NSD1: variants seen among roughly 807,000 people sequenced by gnomAD.
NSD1 encodes nuclear receptor binding SET domain protein 1.
Under a neutral mutation model 242.7 loss-of-function variants are expected in NSD1, and 26 were observed. The ratio of observed to expected loss-of-function variants is 0.11; its 90% CI spans 0.08 to 0.15. The LOEUF is 0.15. Ranked by LOEUF, NSD1 falls within the 10% of genes least tolerant of loss-of-function variation. The pLI is 1.00. For synonymous variants in NSD1, 1,106 were observed against 1,178.1 expected (o/e 0.94, Z 1.25); for missense variants, 2,495 against 3,272.8 (o/e 0.76, Z 5.80).
At chr5:177,158,293 C>T (rs940175912) in intron 2 of NSD1, among the ~76,000 whole-genome samples, 1 of 77,674 alleles carries the variant, frequency 1.3e-5, no homozygotes, top group Admixed American at 1.5e-4. Context: ...TTCTTTCTTT[C>T]TTTCTTTCTT....
chr5:177,210,365 T>G lies in NSD1; in HGVS notation c.1966T>G (p.Ser656Ala). ...SSDLDPIEHS[S>A]ESDNSVLEIP... Reference sequence around the variant, plus strand: ...TGACCTGGATCCCATAGAACACAGCTCAGAGTCTGATAACAGTGTCCTTGA... The same window carrying G: ...TGACCTGGATCCCATAGAACACAGCGCAGAGTCTGATAACAGTGTCCTTGA... Residue 656 changes from serine to alanine, a missense_variant, in exon 5 of 23, where the codon TCA becomes GCA. This residue lies in a region of NSD1 where 515 missense variants were observed against 467.0 expected (regional missense o/e 1.10). Coordinates refer to ENST00000439151, the MANE Select transcript of NSD1 (RefSeq NM_022455.5). 2 of 1,614,140 alleles carry G rather than the reference T, an allele frequency of 1.2e-6. No homozygotes were observed. Among genetic ancestry groups the G allele is most frequent in the Non-Finnish European group, 1.7e-6 (2 of 1,180,032 alleles).
At chr5:177,133,009 G>A (rs1165991712), upstream of NSD1, 1 of 153,154 alleles carries the variant, frequency 6.5e-6, no homozygotes, top group Non-Finnish European at 1.5e-5. This position sits in a 1 kb window ranked among gnomAD's most constrained non-coding sequence, Gnocchi z 6.2. Context: ...CCGAGCTGCT[G>A]CCTCCATTTT....
rs1259210123 is a variant in NSD1 at position 177,269,790 on chromosome 5, A to G, written c.5492A>G (p.Asp1831Gly). 1 of 1,612,312 alleles carries G rather than the reference A, an allele frequency of 6.2e-7. No individual in the cohort carries two copies. Among genetic ancestry groups the G allele is most frequent in the Non-Finnish European group, 8.5e-7 (1 of 1,178,940 alleles). ...AAGGATAAGATGGGCAAAGGAGTGG[A>G]TGGGACATATAAAAAAGGTAACTTT... Reference protein sequence around the residue: ...SSKDKMGKGVDGTYKKALQEA... With the variant: ...SSKDKMGKGVGGTYKKALQEA... The change falls in exon 16 of 23, where the codon GAT (aspartate) becomes GGT (glycine). Residue 1831 changes from aspartate (D) to glycine (G), a missense_variant. This residue lies in a region of NSD1 where 114 missense variants were observed against 247.4 expected (regional missense o/e 0.46). Transcript: ENST00000439151. The surrounding 1 kb of genome is among the most constrained non-coding windows in gnomAD (Gnocchi z 5.1).
chr5:177,265,740 T>C, intron 14 of NSD1: 1 of 1,565,664 alleles, frequency 6.4e-7, no homozygotes, highest in African/African-American at 1.4e-5. Flanking sequence ...TAGAACACCG[T>C]CTGCTTCCAG....
At chr5:177,293,376 A>G (rs532846551) in intron 22 of NSD1, among the ~76,000 whole-genome samples, 1 of 152,298 alleles carries the variant, frequency 6.6e-6, no homozygotes, top group South Asian at 2.1e-4. Context: ...TATCTTTTCT[A>G]TTACTGTTAA....
chr5:177,219,278 C>T (rs776213889), intron 5 of NSD1, among the ~76,000 whole-genome samples: 5 of 151,868 alleles, frequency 3.3e-5, no homozygotes, highest in African/African-American at 1.2e-4. Flanking sequence ...CTCCACCTCC[C>T]GGGTTCAAGC....
chr5:177,143,650 G>A (rs1756998952), intron 2 of NSD1, among the ~76,000 whole-genome samples: 2 of 152,024 alleles, frequency 1.3e-5, no homozygotes, highest in South Asian at 4.2e-4. Flanking sequence ...GTTTTAGGTT[G>A]GACATCTCTG....
chr5:177,187,065 G>A (rs948676963), intron 2 of NSD1, among the ~76,000 whole-genome samples: 5 of 149,868 alleles, frequency 3.3e-5, no homozygotes, highest in African/African-American at 7.4e-5. Flanking sequence ...ATTCAGATAT[G>A]GATTTAAATT....
intron 2 of NSD1, among the ~76,000 whole-genome samples, chr5:177,162,551 A>G (rs904585721): frequency 6.6e-6 from 1 of 152,048 alleles, no homozygotes; most frequent in African/African-American, 2.4e-5. Context: ...ATGTGTCACC[A>G]TGCTTTTGTA....
chr5:177,227,302 A>G (rs941121261), intron 5 of NSD1, among the ~76,000 whole-genome samples: 1 of 152,230 alleles, frequency 6.6e-6, no homozygotes, highest in African/African-American at 2.4e-5. Flanking sequence ...TATGAAAATA[A>G]TAATGCCTTA....
At chr5:177,289,034 A>G in intron 21 of NSD1, 109 bp downstream of exon 21, 1 of 841,454 alleles carries the variant, frequency 1.2e-6, no homozygotes, top group South Asian at 1.4e-5. Context: ...AATTAATGAC[A>G]TTCAGCCAGG....
chr5:177,156,004 C>T (rs529271403), intron 2 of NSD1, among the ~76,000 whole-genome samples: 238 of 151,720 alleles, frequency 1.6e-3, no homozygotes, highest in African/African-American at 5.6e-3. Context: ...TGCGTCTGGC[C>T]TGCATGGGGA....
At chr5:177,258,341 T>C (rs1466931995) in intron 13 of NSD1, among the ~76,000 whole-genome samples, 1 of 151,810 alleles carries the variant, frequency 6.6e-6, no homozygotes, top group Non-Finnish European at 1.5e-5. Context: ...CAAGGCAGGA[T>C]TGGGGGTTTC....
rs190529377 is a variant in NSD1 at position 177,170,173 on chromosome 5, C to T, written c.928-21711C>T. ...ATTTTTAGTAGAGATGGGGTTTCAC[C>T]GTGTTAGCCAGGATGGTCTTGATCT... On this transcript the variant is annotated intron_variant, in intron 2 of 22. Transcript: ENST00000439151. Among the ~76,000 whole-genome samples, 869 of 151,114 alleles carry T rather than the reference C, an allele frequency of 5.8e-3. 11 individuals carry two copies. Among genetic ancestry groups the T allele is most frequent in the African/African-American group, 0.02 (823 of 41,242 alleles).
chr5:177,219,629 T>C (rs781258311), intron 5 of NSD1, among the ~76,000 whole-genome samples: 5 of 152,216 alleles, frequency 3.3e-5, no homozygotes, highest in Non-Finnish European at 5.9e-5. Flanking sequence ...TGATTGTGAC[T>C]GGAACAGATA....
chr5:177,213,978 GT>G (rs57480249), intron 5 of NSD1, among the ~76,000 whole-genome samples: 6 of 147,382 alleles, frequency 4.1e-5, no homozygotes, highest in African/African-American at 7.5e-5. Context: ...ACCTTTTTTG[GT>G]TTTTTTTTTG....
At chr5:177,268,316 G>A (rs930159324) in intron 15 of NSD1, among the ~76,000 whole-genome samples, 2 of 127,402 alleles carry the variant, frequency 1.6e-5, no homozygotes, top group African/African-American at 3.0e-5. Flanking sequence ...ATCACACACC[G>A]GGAACTGTTG....
At chr5:177,188,861 A>C (rs938969849) in intron 2 of NSD1, among the ~76,000 whole-genome samples, 2 of 152,112 alleles carry the variant, frequency 1.3e-5, no homozygotes, top group Non-Finnish European at 2.9e-5. Flanking sequence ...AAAATGCTTT[A>C]ACAGCTTGGG....
At chr5:177,188,085 G>T (rs1761377615) in intron 2 of NSD1, among the ~76,000 whole-genome samples, 1 of 152,140 alleles carries the variant, frequency 6.6e-6, no homozygotes, top group Non-Finnish European at 1.5e-5. Context: ...TTTCCCAAGT[G>T]TCTTGGGATC....
Sources: gnomAD v4.1 joint callset for allele counts (sites outside exome capture counted in the v4.1 genomes callset) on GRCh38, gnomAD v4.1.1 for gene constraint, gnomAD v4.1.1 regional missense constraint, Gnocchi (gnomAD v3.1) non-coding constraint, MANE v1.5 for transcripts, NCBI Gene and HGNC (gene_info 2026-07-23, HGNC 2026-07-21) for gene names.